The following RPS6KA3 variants were observed in gnomAD, a reference collection of about 807,000 sequenced individuals.
The protein encoded by RPS6KA3 is ribosomal protein S6 kinase alpha-3.
In RPS6KA3, 4 loss-of-function variants were observed where a neutral mutation model predicts 67.2. That is an observed-to-expected ratio of 0.06 (90% CI 0.03 to 0.14). The LOEUF (loss-of-function observed/expected upper bound fraction) is 0.14. RPS6KA3 is among the 10% of genes least tolerant of loss of function. The pLI is 1.00. For synonymous variants in RPS6KA3, 182 were observed against 183.7 expected, an observed-to-expected ratio of 0.99 and a Z score of 0.07; for missense variants, 204 against 559.0, an observed-to-expected ratio of 0.36 and a Z score of 6.40.
At chrX:20,178,225 T>C (rs1483138943) in intron 10 of RPS6KA3, among the ~76,000 whole-genome samples, 2 of 110,494 alleles carry the variant, frequency 1.8e-5, no homozygotes, top group Non-Finnish European at 3.8e-5. Context: ...AAGGGAACAG[T>C]AGGGGATATT....
At chrX:20,189,885 G>A (rs1006558502) in intron 7 of RPS6KA3, among the ~76,000 whole-genome samples, 2 of 111,841 alleles carry the variant, frequency 1.8e-5, no homozygotes, top group African/African-American at 6.5e-5. Context: ...AGGTAATTCA[G>A]TAGGGACATG....
chrX:20,186,485 A>G (rs1046316321), intron 9 of RPS6KA3, 119 bp from the exon 10 acceptor site: 2 of 498,680 alleles, frequency 4.0e-6, no homozygotes, highest in African/African-American at 2.4e-5. Flanking sequence ...AAATTGCTAC[A>G]TAACAAGTGT....
rs772783278 is a variant in RPS6KA3 at position 20,156,217 on chromosome X, A to G, written c.1992T>C (p.Pro664=). Residue 664 remains proline (P), a synonymous_variant, in exon 21 of 22, where the codon CCT becomes CCC. Transcript: ENST00000379565. ...CAAGAGCAGCAGTCAGTCTCTGATG[A>G]GGGTCTACATGAAGCATCTTTGACA... ...DLVSKMLHVD[P]HQRLTAALVL... is the part of the protein sequence containing the mutation. 2 of 1,208,605 alleles carry G rather than the reference A, an allele frequency of 1.7e-6. No individual in the cohort carries two copies. Among genetic ancestry groups the G allele is most frequent in the Non-Finnish European group, 2.2e-6 (2 of 893,846 alleles).
At chrX:20,251,776 C>T (rs1027836964) in intron 1 of RPS6KA3, among the ~76,000 whole-genome samples, 1 of 112,446 alleles carries the variant, frequency 8.9e-6, no homozygotes, top group Non-Finnish European at 1.9e-5. Flanking sequence ...AATAACTACT[C>T]ATTTTCAAAA....
intron 18 of RPS6KA3, among the ~76,000 whole-genome samples, chrX:20,163,576 G>A (rs2067358283): frequency 9.0e-6 from 1 of 111,349 alleles, no homozygotes; most frequent in African/African-American, 3.3e-5. Context: ...GGTGGCTCAC[G>A]CCTGCAGTCC....
chrX:20,252,911 G>T (rs972821998), intron 1 of RPS6KA3, among the ~76,000 whole-genome samples: 1 of 110,833 alleles, frequency 9.0e-6, no homozygotes, highest in Non-Finnish European at 1.9e-5. Flanking sequence ...GTTCTGCCTC[G>T]TTGATGTAAG....
At chrX:20,178,523 A>T (rs1177756116) in intron 10 of RPS6KA3, among the ~76,000 whole-genome samples, 1 of 100,935 alleles carries the variant, frequency 9.9e-6, no homozygotes, top group Non-Finnish European at 2.0e-5. Context: ...TCCAGGCTGG[A>T]CTGCAGTGGC....
At chrX:20,183,741 T>C (rs1172613657) in intron 10 of RPS6KA3, among the ~76,000 whole-genome samples, 2 of 112,297 alleles carry the variant, frequency 1.8e-5, no homozygotes, top group African/African-American at 3.2e-5. Context: ...TTGTCCTTTG[T>C]ATTATCATAT....
At chrX:20,214,760 T>C (rs775581601) in intron 2 of RPS6KA3, among the ~76,000 whole-genome samples, 2 of 111,564 alleles carry the variant, frequency 1.8e-5, no homozygotes, top group East Asian at 2.8e-4. Context: ...CTTCTACTAG[T>C]TGAATATTGT....
At chrX:20,185,390 T>C (rs775058754) in intron 10 of RPS6KA3, among the ~76,000 whole-genome samples, 1 of 111,161 alleles carries the variant, frequency 9.0e-6, no homozygotes, top group Non-Finnish European at 1.9e-5. Context: ...TTTTCTTTTT[T>C]GAGACAGGGT....
At chrX:20,187,756 C>A in intron 9 of RPS6KA3, 72 bp downstream of exon 9, 1 of 907,328 alleles carries the variant, frequency 1.1e-6, no homozygotes. Flanking sequence ...ACACCAGTTT[C>A]TTTAACATTC....
chrX:20,178,798 C>G (rs969936040), intron 10 of RPS6KA3, among the ~76,000 whole-genome samples: 3 of 109,109 alleles, frequency 2.7e-5, no homozygotes, highest in African/African-American at 1.0e-4. Flanking sequence ...TCCAGCACCT[C>G]TTTTTCAAAG....
chrX:20,247,452 A>G (rs1272100535), intron 1 of RPS6KA3, among the ~76,000 whole-genome samples: 1 of 111,413 alleles, frequency 9.0e-6, no homozygotes, highest in Non-Finnish European at 1.9e-5. Context: ...AACTGCTCAC[A>G]TAAGCTATAA....
chrX:20,236,914 A>C (rs2069424611), intron 1 of RPS6KA3, among the ~76,000 whole-genome samples: 1 of 111,550 alleles, frequency 9.0e-6, no homozygotes, highest in South Asian at 3.7e-4. Context: ...ACTAGCTCCT[A>C]ACAACTGCGG....
chrX:20,177,693 G>C (rs1338651355), intron 10 of RPS6KA3, among the ~76,000 whole-genome samples: 2 of 112,309 alleles, frequency 1.8e-5, no homozygotes, highest in Non-Finnish European at 3.8e-5. Flanking sequence ...CATAAGCAAA[G>C]GGATTGGTCT....
intron 2 of RPS6KA3, among the ~76,000 whole-genome samples, chrX:20,211,413 A>G (rs1257663265): frequency 9.0e-6 from 1 of 111,041 alleles, no homozygotes; most frequent in Non-Finnish European, 1.9e-5. Flanking sequence ...GGCCCTTACC[A>G]TTACACCACA....
At position 20,165,187 on chromosome X, in the gene RPS6KA3, CATT is replaced by C. The variant is rs780686958; in HGVS notation, c.1603-130_1603-128del. On this transcript the variant is annotated intron_variant, in intron 17 of 21. Transcript: ENST00000379565. ...AGTGCTGACCTTTAAATTAGCCTAA[CATT>C]ATAAAATACTGATAATGTAAAGCAT... The C allele has an allele frequency of 7.5e-5, 40 of 534,018 alleles. No homozygotes were observed. In the South Asian group the frequency reaches 1.1e-3, roughly 15 times the overall value. The allele number at this position is 534,018 out of a possible 1,213,427, so 44.0% of individuals were successfully genotyped here.
intron 1 of RPS6KA3, among the ~76,000 whole-genome samples, chrX:20,235,672 C>G (rs928726952): frequency 3.6e-5 from 4 of 111,055 alleles, no homozygotes; most frequent in African/African-American, 1.3e-4. Flanking sequence ...TCAGTATTAA[C>G]GAGGGTACGG....
intron 10 of RPS6KA3, among the ~76,000 whole-genome samples, chrX:20,184,397 C>CTTT (rs1176222205): frequency 4.6e-5 from 4 of 86,465 alleles, no homozygotes; most frequent in Non-Finnish European, 9.4e-5. Flanking sequence ...CATTACTTTT[C>CTTT]TTTTTTTTTT....
Sources: allele counts gnomAD v4.1 joint callset (sites outside exome capture counted in the v4.1 genomes callset), GRCh38; gene constraint gnomAD v4.1.1; transcripts MANE v1.5; gene names NCBI Gene and HGNC (gene_info 2026-07-23, HGNC 2026-07-21).